Variants in SCAPER observed in about 807,000 individuals in gnomAD.
SCAPER encodes the protein S-phase cyclin A associated protein in the ER.
A neutral mutation model predicts 182.2 loss-of-function variants in SCAPER; 98 were observed. That is an observed-to-expected ratio of 0.54 (90% CI 0.46 to 0.64). The LOEUF (loss-of-function observed/expected upper bound fraction) is 0.64, where lower values mean the gene tolerates loss of function less well. SCAPER is among the 30% of genes least tolerant of loss of function. The pLI, the probability that SCAPER is intolerant of heterozygous loss-of-function variation, is 0.00. For synonymous variants in SCAPER, 605 were observed against 564.6 expected, an observed-to-expected ratio of 1.07 and a Z score of -1.01; for missense variants, 1,432 against 1,690.0, an observed-to-expected ratio of 0.85 and a Z score of 2.68.
At chr15:76,813,249 A>ACAAC (rs57686017) in intron 5 of SCAPER, among the ~76,000 whole-genome samples, 1 of 60,188 alleles carries the variant, frequency 1.7e-5, no homozygotes, top group South Asian at 6.0e-4. Context: ...AAAAAAAAAA[A>ACAAC]AAAAAACAAC....
intron 26 of SCAPER, among the ~76,000 whole-genome samples, chr15:76,428,504 G>A (rs2046595953): frequency 6.6e-6 from 1 of 152,134 alleles, no homozygotes; most frequent in Non-Finnish European, 1.5e-5. Flanking sequence ...AGGTTTTTAT[G>A]TTAAGTGAAA....
intron 1 of SCAPER, among the ~76,000 whole-genome samples, chr15:76,887,175 T>C (rs1190996022): frequency 6.6e-6 from 1 of 152,142 alleles, no homozygotes; most frequent in Non-Finnish European, 1.5e-5. Context: ...AAAAAGAAAG[T>C]CTGAGTCCGT....
At chr15:76,882,503 G>T (rs1302359242) in intron 2 of SCAPER, among the ~76,000 whole-genome samples, 1 of 151,890 alleles carries the variant, frequency 6.6e-6, no homozygotes, top group Non-Finnish European at 1.5e-5. Flanking sequence ...AAATCTTCTG[G>T]CAAACAAAAG....
At chr15:76,493,903 A>G (rs547669624) in intron 24 of SCAPER, among the ~76,000 whole-genome samples, 1 of 152,342 alleles carries the variant, frequency 6.6e-6, no homozygotes, top group African/African-American at 2.4e-5. Flanking sequence ...TTTATCAATC[A>G]CTATTGCTAA....
At chr15:76,421,480 C>T (rs761689905) in intron 26 of SCAPER, among the ~76,000 whole-genome samples, 1,795 of 152,092 alleles carry the variant, frequency 0.012, 14 homozygotes, top group Non-Finnish European at 0.018. Flanking sequence ...TTGTTTTTTT[C>T]TTGTAAATTT....
chr15:76,878,147 G>A (rs931305793), intron 2 of SCAPER, among the ~76,000 whole-genome samples: 1 of 151,890 alleles, frequency 6.6e-6, no homozygotes, highest in Non-Finnish European at 1.5e-5. Context: ...TAAAACTAAT[G>A]GGGCAAAATT....
At chr15:76,577,201 T>A (rs1251290060) in intron 22 of SCAPER, among the ~76,000 whole-genome samples, 2 of 151,972 alleles carry the variant, frequency 1.3e-5, no homozygotes, top group African/African-American at 4.8e-5. Context: ...ATCCCAGTGC[T>A]TTGGGAGGCT....
Position 76,767,223 on chromosome 15 carries a change from C to A in SCAPER, c.1249-135G>T. 5 of 832,714 alleles carry A rather than the reference C, an allele frequency of 6.0e-6. No individual in the cohort carries two copies. The South Asian group carries it at 9.3e-5, about 16-fold the overall frequency. The allele number at this position is 832,714 out of a possible 1,614,324, so 51.6% of individuals were successfully genotyped here. ...TCTAGAATCATAAAAGCTGGGGTTC[C>A]ATACAGGCTCATCCACTTACTAGCT... On this transcript the variant is annotated intron_variant, in intron 10 of 31. Transcript: ENST00000563290.
At chr15:76,801,571 A>G (rs761699368) in intron 6 of SCAPER, among the ~76,000 whole-genome samples, 11 of 152,218 alleles carry the variant, frequency 7.2e-5, no homozygotes, top group East Asian at 1.9e-4. Flanking sequence ...CTTTCCATAT[A>G]TAAGTGCTGT....
intron 26 of SCAPER, among the ~76,000 whole-genome samples, chr15:76,422,792 C>T (rs2046140256): frequency 6.6e-6 from 1 of 152,108 alleles, no homozygotes; most frequent in South Asian, 2.1e-4. Context: ...GAGATACGAC[C>T]CATCAATACC....
At chr15:76,547,523 C>T (rs1256385163) in intron 23 of SCAPER, among the ~76,000 whole-genome samples, 2 of 152,068 alleles carry the variant, frequency 1.3e-5, no homozygotes, top group Non-Finnish European at 2.9e-5. Context: ...ATCACACTAC[C>T]TTAATTAATA....
In SCAPER at chr15:76,857,859, C is replaced by G. The variant is rs372176154; in HGVS notation, c.145G>C (p.Gly49Arg). 1.4e-4 allele frequency: 209 copies of G among 1,544,726 alleles called. No individual in the cohort carries two copies. Among genetic ancestry groups the G allele is most frequent in the Middle Eastern group, 1.9e-4 (1 of 5,308 alleles). ...TGAATGGTCCTCTTAGATTTTCCAC[C>G]AGTTTGACATTTAGGTTTTCCTTCA... Reference protein sequence around the residue: ...DDDGKPKCQTGGKSKRTIQGT... With the variant: ...DDDGKPKCQTRGKSKRTIQGT... Residue 49 changes from glycine to arginine, a missense_variant, in exon 4 of 32, where the codon GGT becomes CGT. This residue lies in a region of SCAPER where 480 missense variants were observed against 510.2 expected (regional missense o/e 0.94). Coordinates refer to ENST00000563290, the MANE Select transcript of SCAPER (RefSeq NM_020843.4).
intron 15 of SCAPER, 126 bp from the exon 16 acceptor site, chr15:76,733,510 A>G: frequency 9.2e-7 from 1 of 1,088,628 alleles, no homozygotes; most frequent in South Asian, 1.8e-5. Context: ...GCACTTTGGG[A>G]GGCTGAGGAA....
At chr15:76,436,585 A>C (rs749553844) in intron 25 of SCAPER, among the ~76,000 whole-genome samples, 1 of 151,776 alleles carries the variant, frequency 6.6e-6, no homozygotes, top group African/African-American at 2.4e-5. Context: ...CATGGATGCA[A>C]TATCTTCTCA....
chr15:76,705,386 T>C (rs531723811), intron 18 of SCAPER, among the ~76,000 whole-genome samples: 1 of 105,084 alleles, frequency 9.5e-6, no homozygotes, highest in Admixed American at 1.3e-4. Context: ...CATCACACTC[T>C]GGGGACTGTT....
At chr15:76,761,024 T>A (rs2062750740) in intron 14 of SCAPER, among the ~76,000 whole-genome samples, 2 of 152,194 alleles carry the variant, frequency 1.3e-5, no homozygotes, top group South Asian at 2.1e-4. Context: ...ACTGATTCAA[T>A]CTCTGTATTT....
chr15:76,654,357 G>A (rs901962105), intron 21 of SCAPER, among the ~76,000 whole-genome samples: 19 of 151,834 alleles, frequency 1.3e-4, no homozygotes, highest in Admixed American at 8.5e-4. Flanking sequence ...GCAGTGAGCC[G>A]AGATCACACC....
intron 23 of SCAPER, among the ~76,000 whole-genome samples, chr15:76,525,247 T>G (rs906573075): frequency 1.3e-5 from 2 of 152,172 alleles, no homozygotes; most frequent in Admixed American, 1.3e-4. Context: ...ATCTTCACTC[T>G]CCTAAACTCA....
intron 8 of SCAPER, among the ~76,000 whole-genome samples, chr15:76,776,455 A>C (rs554200247): frequency 3.6e-4 from 55 of 152,128 alleles, no homozygotes; most frequent in South Asian, 1.0e-3. Context: ...ATAGTGAACA[A>C]AGTCTCCTCT....
Sources: allele counts gnomAD v4.1 joint callset (sites outside exome capture counted in the v4.1 genomes callset), GRCh38; gene constraint gnomAD v4.1.1; regional missense constraint gnomAD v4.1.1; transcripts MANE v1.5; gene names NCBI Gene and HGNC (gene_info 2026-07-23, HGNC 2026-07-21).